The following KLF8 variants were observed in gnomAD, a reference collection of about 807,000 sequenced individuals.
KLF8 encodes the protein Krueppel-like factor 8.
KLF8 carries 10 observed loss-of-function variants against 18.2 expected under a neutral mutation model. The ratio of observed to expected loss-of-function variants is 0.55; its 90% CI spans 0.34 to 0.93. The LOEUF is 0.93. Ranked by LOEUF, KLF8 falls within the 40% of genes least tolerant of loss-of-function variation. The pLI is 0.02. For missense variants in KLF8, 264 were observed against 277.9 expected, an observed-to-expected ratio of 0.95 and a Z score of 0.36; for synonymous variants, 109 against 97.3, an observed-to-expected ratio of 1.12 and a Z score of -0.71.
chrX:56,243,105 C>T, intron 1 of KLF8: 1 of 525,870 alleles, frequency 1.9e-6, no homozygotes. Context: ...GCTTTAACAT[C>T]CACAATGAAC....
At chrX:55,991,148 C>T in the KLF8 span, among the ~76,000 whole-genome samples, 1 of 112,252 alleles carries the variant, frequency 8.9e-6, no homozygotes, top group Non-Finnish European at 1.9e-5. Context: ...GCCATGGGCT[C>T]CATCCATTTG....
At chrX:56,212,009 G>C in the KLF8 span, among the ~76,000 whole-genome samples, 1 of 111,296 alleles carries the variant, frequency 9.0e-6, no homozygotes, top group Non-Finnish European at 1.9e-5. Context: ...CAGGGCCCAA[G>C]GGTACTTCAT....
the KLF8 span, among the ~76,000 whole-genome samples, chrX:56,165,312 C>T: frequency 1.8e-5 from 2 of 111,850 alleles, no homozygotes; most frequent in African/African-American, 6.5e-5. Context: ...GGAGGCAGTC[C>T]CCCAACACAG....
the KLF8 span, among the ~76,000 whole-genome samples, chrX:55,984,432 C>T: frequency 9.0e-6 from 1 of 111,627 alleles, no homozygotes; most frequent in Non-Finnish European, 1.9e-5. Context: ...CTGCAAAGGA[C>T]ATGATCTCAT....
chrX:56,181,331 T>A, the KLF8 span, among the ~76,000 whole-genome samples: 1 of 111,452 alleles, frequency 9.0e-6, no homozygotes, highest in African/African-American at 3.3e-5. Flanking sequence ...TCTTCCTCCA[T>A]CCCTTTATTT....
chrX:56,087,056 C>T, the KLF8 span, among the ~76,000 whole-genome samples: 210 of 111,111 alleles, frequency 1.9e-3, 2 homozygotes, highest in African/African-American at 6.6e-3. Context: ...ATCTGGAAGC[C>T]GAATTCAGAG....
the KLF8 span, among the ~76,000 whole-genome samples, chrX:56,130,079 A>G: frequency 9.1e-6 from 1 of 110,154 alleles, no homozygotes; most frequent in Admixed American, 9.6e-5. Flanking sequence ...GTAGCTGAAG[A>G]CAAAGGCCAT....
At chrX:56,073,121 G>A in the KLF8 span, among the ~76,000 whole-genome samples, 2 of 109,594 alleles carry the variant, frequency 1.8e-5, no homozygotes, top group Non-Finnish European at 3.8e-5. Context: ...CGAGTAGCTG[G>A]GACTACAGGC....
chrX:55,924,948 C>T, the KLF8 span, among the ~76,000 whole-genome samples: 5 of 102,106 alleles, frequency 4.9e-5, no homozygotes, highest in East Asian at 3.0e-4. Context: ...CTCCGCCTCC[C>T]GGGTTCAATT....
the KLF8 span, among the ~76,000 whole-genome samples, chrX:56,035,934 T>G: frequency 8.9e-6 from 1 of 111,845 alleles, no homozygotes; most frequent in Non-Finnish European, 1.9e-5. Flanking sequence ...TATTTTCACT[T>G]TGTTGATTGT....
At chrX:56,069,324 C>A in the KLF8 span, among the ~76,000 whole-genome samples, 1 of 112,063 alleles carries the variant, frequency 8.9e-6, no homozygotes, top group African/African-American at 3.2e-5. Context: ...GAGCTTCTGA[C>A]CCAGTGGCCC....
the KLF8 span, among the ~76,000 whole-genome samples, chrX:56,019,952 T>A: frequency 9.0e-6 from 1 of 111,657 alleles, no homozygotes; most frequent in Non-Finnish European, 1.9e-5. Context: ...CTCAGAGTCT[T>A]ATTTGACAGC....
the KLF8 span, among the ~76,000 whole-genome samples, chrX:56,189,985 C>G: frequency 9.3e-6 from 1 of 107,669 alleles, no homozygotes; most frequent in Non-Finnish European, 1.9e-5. Context: ...CTAACCTGCA[C>G]ATTGTGCACA....
chrX:56,283,860 A>C (rs775049289), intron 5 of KLF8, among the ~76,000 whole-genome samples: 2 of 112,145 alleles, frequency 1.8e-5, no homozygotes, highest in Non-Finnish European at 3.8e-5. Flanking sequence ...GCCAGGGAGA[A>C]GTGATTATAT....
At chrX:56,199,099 G>A in the KLF8 span, among the ~76,000 whole-genome samples, 13 of 111,952 alleles carry the variant, frequency 1.2e-4, no homozygotes, top group Non-Finnish European at 1.3e-4. Context: ...CAAGATGGAT[G>A]AAAGACTTAA....
chrX:56,191,083 A>G, the KLF8 span, among the ~76,000 whole-genome samples: 1 of 112,157 alleles, frequency 8.9e-6, no homozygotes, highest in South Asian at 3.6e-4. Flanking sequence ...AAGAAAAACA[A>G]AAAAGAGATC....
the KLF8 span, among the ~76,000 whole-genome samples, chrX:56,187,732 T>A: frequency 9.0e-6 from 1 of 111,190 alleles, no homozygotes; most frequent in Non-Finnish European, 1.9e-5. Flanking sequence ...TGCAAATCAA[T>A]AAATGTAATC....
chrX:56,042,837 T>C, the KLF8 span, among the ~76,000 whole-genome samples: 4 of 111,789 alleles, frequency 3.6e-5, no homozygotes, highest in Non-Finnish European at 7.5e-5. Context: ...GTTAGTATTG[T>C]TCTGTGTAAA....
At chrX:55,961,713 G>A in the KLF8 span, 10 of 384,083 alleles carry the variant, frequency 2.6e-5, no homozygotes, top group Non-Finnish European at 4.9e-5. Context: ...AGGGATGCTG[G>A]CATGCAGCTA....
Sources: gnomAD v4.1 joint callset for allele counts (sites outside exome capture counted in the v4.1 genomes callset) on GRCh38, gnomAD v4.1.1 for gene constraint, MANE v1.5 for transcripts, NCBI Gene and HGNC (gene_info 2026-07-23, HGNC 2026-07-21) for gene names.